Variants in CYP7B1 observed in about 807,000 individuals in gnomAD.
CYP7B1 encodes the protein cytochrome P450 family 7 subfamily B member 1, also known as cytochrome P450 7B1.
Under a neutral mutation model 42.7 loss-of-function variants are expected in CYP7B1, and 29 were observed. That is an observed-to-expected ratio of 0.68 (90% confidence interval 0.51 to 0.93). The LOEUF is 0.93. Among genes scored for constraint, CYP7B1 ranks in the 40% least tolerant of loss-of-function variants. The probability of loss-of-function intolerance (pLI) is 0.00; values close to 1 mark genes in which losing one functional copy is unlikely to be tolerated. For missense variants in CYP7B1, 655 were observed against 600.5 expected, an observed-to-expected ratio of 1.09 and a Z score of -0.95; for synonymous variants, 235 against 218.2, an observed-to-expected ratio of 1.08 and a Z score of -0.68.
At chr8:64,628,671 T>C (rs988590386) in intron 1 of CYP7B1, among the ~76,000 whole-genome samples, 22 of 151,472 alleles carry the variant, frequency 1.5e-4, no homozygotes, top group Non-Finnish European at 2.9e-4. Flanking sequence ...TAAAATAAAA[T>C]ATAAAATAAA....
chr8:64,612,410 T>TCTTA (rs1805376469), intron 4 of CYP7B1, among the ~76,000 whole-genome samples: 1 of 152,124 alleles, frequency 6.6e-6, no homozygotes, highest in Non-Finnish European at 1.5e-5. Context: ...ATAAGCAGAA[T>TCTTA]CTTAACAAGA....
intron 1 of CYP7B1, among the ~76,000 whole-genome samples, chr8:64,771,775 T>C (rs1269660535): frequency 6.6e-6 from 1 of 152,250 alleles, no homozygotes; most frequent in Non-Finnish European, 1.5e-5. Context: ...ACATGAAGCT[T>C]ATAGACAAAA....
chr8:64,750,337 T>G (rs938085199), intron 1 of CYP7B1, among the ~76,000 whole-genome samples: 7 of 152,186 alleles, frequency 4.6e-5, no homozygotes, highest in African/African-American at 1.7e-4. Context: ...TCCAGTGGTC[T>G]TTTTCTCTCC....
intron 1 of CYP7B1, among the ~76,000 whole-genome samples, chr8:64,717,250 A>C (rs1807169553): frequency 6.6e-6 from 1 of 152,008 alleles, no homozygotes; most frequent in Non-Finnish European, 1.5e-5. Context: ...GGTTAGTTAC[A>C]TTCTATTTTT....
intron 1 of CYP7B1, among the ~76,000 whole-genome samples, chr8:64,633,779 T>C (rs148383672): frequency 8.5e-5 from 13 of 152,254 alleles, no homozygotes; most frequent in East Asian, 7.7e-4. Flanking sequence ...CTGAAGTTTA[T>C]ATGGAAAGGC....
intron 1 of CYP7B1, among the ~76,000 whole-genome samples, chr8:64,686,364 A>G (rs1431759117): frequency 3.0e-5 from 1 of 33,494 alleles, no homozygotes; most frequent in Admixed American, 2.1e-4. Context: ...GGAAGTGAGG[A>G]GCCCCTCTGC....
rs1366750927 is a variant in CYP7B1, at chr8:64,591,274, C to T, written c.*5368G>A. ...TACTAAAGAGTTTTATGTGATCATT[C>T]ATTATAATTTAAAATAGTGCTACAG... On this transcript the variant is annotated 3_prime_UTR_variant, in exon 6 of 6. Transcript: ENST00000310193. 6.6e-6 allele frequency among the ~76,000 whole-genome samples: 1 copy of T among 152,020 alleles called. No homozygotes were observed. The highest frequency in any genetic ancestry group is 1.9e-4 in the East Asian group (1 of 5,194).
At chr8:64,697,813 GACAAGAGCTATCACC>G (rs1414314592) in intron 1 of CYP7B1, among the ~76,000 whole-genome samples, 1 of 152,138 alleles carries the variant, frequency 6.6e-6, no homozygotes, top group African/African-American at 2.4e-5. Context: ...CAGAAAAGCA[GACAAGAGCTATCACC>G]ACGGACTCTT....
intron 1 of CYP7B1, among the ~76,000 whole-genome samples, chr8:64,768,910 A>G (rs1804156924): frequency 6.6e-6 from 1 of 152,216 alleles, no homozygotes; most frequent in Non-Finnish European, 1.5e-5. Flanking sequence ...GCTTTCCAAC[A>G]TAAACTGCAA....
chr8:64,677,534 G>C (rs1193312371), intron 1 of CYP7B1, among the ~76,000 whole-genome samples: 4 of 149,690 alleles, frequency 2.7e-5, no homozygotes, highest in African/African-American at 9.8e-5. Context: ...AGGACTAACA[G>C]CTTACCAGAA....
chr8:64,670,693 G>C (rs1336266506), intron 1 of CYP7B1, among the ~76,000 whole-genome samples: 1 of 152,192 alleles, frequency 6.6e-6, no homozygotes, highest in Admixed American at 6.5e-5. Context: ...CTGAACCAAA[G>C]ACAGACAGTT....
intron 1 of CYP7B1, among the ~76,000 whole-genome samples, chr8:64,628,262 T>C (rs925702849): frequency 6.6e-6 from 1 of 152,206 alleles, no homozygotes; most frequent in Admixed American, 6.5e-5. Flanking sequence ...GCAAGTACCA[T>C]TGCATCAGTG....
chr8:64,601,824 G>A (rs1376671057), intron 5 of CYP7B1, among the ~76,000 whole-genome samples: 1 of 152,150 alleles, frequency 6.6e-6, no homozygotes, highest in Non-Finnish European at 1.5e-5. Context: ...TGCAAGAGCT[G>A]AGGGCTAGTT....
intron 1 of CYP7B1, among the ~76,000 whole-genome samples, chr8:64,669,874 G>A (rs1019125120): frequency 6.6e-6 from 1 of 152,134 alleles, no homozygotes; most frequent in Non-Finnish European, 1.5e-5. Flanking sequence ...ATTCCAAAGG[G>A]AGAACAGGTA....
At chr8:64,759,879 A>G (rs1807860428) in intron 1 of CYP7B1, among the ~76,000 whole-genome samples, 1 of 152,178 alleles carries the variant, frequency 6.6e-6, no homozygotes, top group Non-Finnish European at 1.5e-5. Context: ...ATTGTTTTAG[A>G]AAAAAATATA....
rs77702910 is a variant in CYP7B1 at position 64,627,663 on chromosome 8, C to T, written c.123-3124G>A. 6.6e-5 allele frequency among the ~76,000 whole-genome samples: 10 copies of T among 152,200 alleles called. No individual in the cohort carries two copies. The East Asian group carries it at 1.9e-3, about 29-fold the overall frequency. ...ATCCAGGGGATATTAACTTAACATTCAGAGTTAGGGAAGCACATTAGGAAG... is the reference window on the plus strand; with the variant it reads ...ATCCAGGGGATATTAACTTAACATTTAGAGTTAGGGAAGCACATTAGGAAG... On this transcript the variant is annotated intron_variant, in intron 1 of 5. Coordinates refer to ENST00000310193, the MANE Select transcript of CYP7B1 (RefSeq NM_004820.5).
intron 1 of CYP7B1, among the ~76,000 whole-genome samples, chr8:64,739,983 T>G (rs1807545077): frequency 6.6e-6 from 1 of 152,092 alleles, no homozygotes; most frequent in African/African-American, 2.4e-5. Context: ...AACAGGGAAT[T>G]CATCACTAGA....
chr8:64,587,724 T>A (rs1450766860), downstream of CYP7B1: 1 of 152,246 alleles, frequency 6.6e-6, no homozygotes, highest in African/African-American at 2.4e-5. Flanking sequence ...TACTAGAATG[T>A]GTGTGTGAAT....
intron 1 of CYP7B1, among the ~76,000 whole-genome samples, chr8:64,721,411 G>A (rs1212685211): frequency 2.0e-5 from 3 of 151,690 alleles, no homozygotes; most frequent in Non-Finnish European, 4.4e-5. Context: ...TATTATTTTG[G>A]TCTTACCACA....
Sources: gnomAD v4.1 joint callset for allele counts (sites outside exome capture counted in the v4.1 genomes callset) on GRCh38, gnomAD v4.1.1 for gene constraint, MANE v1.5 for transcripts, NCBI Gene and HGNC (gene_info 2026-07-23, HGNC 2026-07-21) for gene names.